Variants in PAXIP1 observed in about 807,000 individuals in gnomAD.
PAXIP1 encodes PAX interacting protein 1.
In PAXIP1, 19 loss-of-function variants were observed where a neutral mutation model predicts 140.6. That is an observed-to-expected ratio of 0.14 (90% confidence interval 0.09 to 0.20). PAXIP1 has a LOEUF of 0.20. Among genes scored for constraint, PAXIP1 ranks in the 10% least tolerant of loss-of-function variants. PAXIP1 has a pLI of 1.00. For missense variants in PAXIP1, 920 were observed against 1,208.6 expected (o/e 0.76, Z 3.54); for synonymous variants, 442 against 444.6 (o/e 0.99, Z 0.07).
At chr7:154,969,233 C>T in intron 6 of PAXIP1, 107 bp from the exon 7 acceptor site, 1 of 1,179,672 alleles carries the variant, frequency 8.5e-7, no homozygotes, top group Non-Finnish European at 1.1e-6. Flanking sequence ...CAATATTCAA[C>T]TAAGTAGACA....
intron 10 of PAXIP1, 82 bp downstream of exon 10, chr7:154,962,239 G>A (rs1170389695): frequency 4.1e-6 from 6 of 1,474,922 alleles, no homozygotes; most frequent in Non-Finnish European, 5.6e-6. Context: ...CAACGCAGGA[G>A]CCTCAGGTAA....
chr7:154,952,759 G>C (rs1808329207), intron 16 of PAXIP1, among the ~76,000 whole-genome samples: 1 of 152,198 alleles, frequency 6.6e-6, no homozygotes, highest in Non-Finnish European at 1.5e-5. Context: ...CTAACTCAGT[G>C]TCTGTGCAAC....
chr7:154,990,407 G>A (rs186964173), intron 4 of PAXIP1, among the ~76,000 whole-genome samples: 1 of 152,174 alleles, frequency 6.6e-6, no homozygotes, highest in African/African-American at 2.4e-5. Context: ...TTTAAGGCTT[G>A]ACACTGCTCC....
chr7:154,955,994 A>AT (rs1164684110), intron 14 of PAXIP1, among the ~76,000 whole-genome samples: 1 of 152,026 alleles, frequency 6.6e-6, no homozygotes, highest in Non-Finnish European at 1.5e-5. Context: ...CTATCACTTC[A>AT]TTTTTTTCTA....
At chr7:154,978,690 CAT>C (rs1033492529) in intron 5 of PAXIP1, among the ~76,000 whole-genome samples, 4 of 152,050 alleles carry the variant, frequency 2.6e-5, no homozygotes, top group African/African-American at 7.2e-5. Context: ...GCTTGAATAA[CAT>C]ATGACTATAT....
chr7:154,982,770 T>C (rs948613743), intron 5 of PAXIP1, among the ~76,000 whole-genome samples: 1 of 152,170 alleles, frequency 6.6e-6, no homozygotes, highest in African/African-American at 2.4e-5. Flanking sequence ...GCCCTATGCT[T>C]ATCAAGACAA....
rs1397113604 is a variant in PAXIP1 at position 155,003,060 on chromosome 7, G to A, written c.-131C>T. The A allele has an allele frequency of 6.6e-5, 15 of 226,860 alleles. No individual in the cohort carries two copies. The highest frequency in any genetic ancestry group is 2.7e-4 in the African/African-American group (11 of 41,356). 14.1% of individuals were successfully genotyped at this position (226,860 alleles called of 1,614,324 possible). Reference sequence around the variant, plus strand: ...GCCCGCGCAGCCCGGGCCCGGTCCTGCGAATCGGGGTCCGCTCCCCCGCCC... The same window carrying A: ...GCCCGCGCAGCCCGGGCCCGGTCCTACGAATCGGGGTCCGCTCCCCCGCCC... On this transcript the variant is annotated 5_prime_UTR_variant, in exon 1 of 21. Transcript: ENST00000404141.
chr7:154,997,275 T>A (rs892971849), intron 2 of PAXIP1, among the ~76,000 whole-genome samples: 1 of 152,196 alleles, frequency 6.6e-6, no homozygotes, highest in Non-Finnish European at 1.5e-5. Context: ...GGTGTCTCAC[T>A]GTGTTACCCA....
At chr7:154,961,707 AC>A in intron 10 of PAXIP1, 59 bp from the exon 11 acceptor site, 3 of 1,400,202 alleles carry the variant, frequency 2.1e-6, no homozygotes, top group Non-Finnish European at 1.9e-6. Flanking sequence ...AAAACCAAGT[AC>A]TATTTCTTCT....
At chr7:154,965,800 G>A (rs867497105) in intron 8 of PAXIP1, 1 of 152,218 alleles carries the variant, frequency 6.6e-6, no homozygotes, top group Non-Finnish European at 1.5e-5. Context: ...TAGTAATTTG[G>A]GTTTTCGGGA....
chr7:155,002,772 GCGGGGACGGGGA>G lies in PAXIP1; in HGVS notation c.81+65_81+76del, dbSNP rs371145514. The G allele has an allele frequency of 2.0e-3, 1,625 of 800,046 alleles. 11 individuals carry two copies. The highest frequency in any genetic ancestry group is 0.016 in the South Asian group (531 of 33,252). The allele number at this position is 800,046 out of a possible 1,614,324, so 49.6% of individuals were successfully genotyped here. On this transcript the variant is annotated intron_variant, in intron 1 of 20. Transcript: ENST00000404141. ...CGCCCGGCGCGCGCCCGCGGCAGGA[GCGGGGACGGGGA>G]CGGGGACGGGGACGGACGGGGACGC...
At chr7:154,970,160 C>G (rs570842955) in intron 6 of PAXIP1, among the ~76,000 whole-genome samples, 6 of 152,144 alleles carry the variant, frequency 3.9e-5, no homozygotes, top group Non-Finnish European at 8.8e-5. Context: ...AAATTTGAAA[C>G]CAACTTCTTA....
chr7:154,948,806 C>T (rs1808127298), intron 16 of PAXIP1: 1 of 151,578 alleles, frequency 6.6e-6, no homozygotes, highest in Non-Finnish European at 1.5e-5. Flanking sequence ...TCCTCAAGGA[C>T]TTGTAGGACA....
intron 16 of PAXIP1, among the ~76,000 whole-genome samples, chr7:154,953,351 A>C (rs6960009): frequency 0.24 from 36,211 of 152,218 alleles, 4,992 homozygotes; most frequent in Admixed American, 0.34. Context: ...GCTCTAAATC[A>C]GGGGCTGGTG....
intron 8 of PAXIP1, among the ~76,000 whole-genome samples, chr7:154,966,541 C>T (rs1228174982): frequency 6.6e-6 from 1 of 152,200 alleles, no homozygotes; most frequent in Non-Finnish European, 1.5e-5. Context: ...AAGACAAAAA[C>T]CCCAAACTTT....
intron 16 of PAXIP1, among the ~76,000 whole-genome samples, chr7:154,953,994 T>C (rs1476330730): frequency 6.6e-6 from 1 of 152,124 alleles, no homozygotes; most frequent in African/African-American, 2.4e-5. Flanking sequence ...CAAAATATAC[T>C]AACAAGAAAA....
At chr7:154,998,040 T>C (rs1810718812) in intron 2 of PAXIP1, among the ~76,000 whole-genome samples, 1 of 152,202 alleles carries the variant, frequency 6.6e-6, no homozygotes, top group Non-Finnish European at 1.5e-5. Flanking sequence ...TCAGAAAACT[T>C]CCAGGCAGTG....
chr7:154,980,582 T>C (rs1231457252), intron 5 of PAXIP1, among the ~76,000 whole-genome samples: 1 of 151,786 alleles, frequency 6.6e-6, no homozygotes. Flanking sequence ...ATCCAGCTAA[T>C]TTTTTATTTT....
At chr7:154,987,238 A>G (rs1304327584) in intron 4 of PAXIP1, among the ~76,000 whole-genome samples, 5 of 152,192 alleles carry the variant, frequency 3.3e-5, no homozygotes, top group South Asian at 2.1e-4. Context: ...ATCACTTTCT[A>G]TCATCCTTTT....
Sources: allele counts gnomAD v4.1 joint callset (sites outside exome capture counted in the v4.1 genomes callset), GRCh38; gene constraint gnomAD v4.1.1; transcripts MANE v1.5; gene names NCBI Gene and HGNC (gene_info 2026-07-23, HGNC 2026-07-21).